The following USP28 variants were observed in gnomAD, a reference collection of about 807,000 sequenced individuals.
USP28 encodes ubiquitin carboxyl-terminal hydrolase 28.
In USP28, 113 loss-of-function variants were observed where a neutral mutation model predicts 145.0. The ratio of observed to expected loss-of-function variants is 0.78; its 90% CI spans 0.67 to 0.91. The LOEUF is 0.91. USP28 is among the 40% of genes least tolerant of loss of function. USP28 has a pLI of 0.00. For synonymous variants in USP28, 447 were observed against 450.9 expected, an observed-to-expected ratio of 0.99 and a Z score of 0.11; for missense variants, 1,201 against 1,289.6, an observed-to-expected ratio of 0.93 and a Z score of 1.05.
chr11:113,843,193 C>T, intron 3 of USP28, among the ~76,000 whole-genome samples: 1 of 151,500 alleles, frequency 6.6e-6, no homozygotes, highest in South Asian at 2.1e-4. Context: ...GATTGTGTCA[C>T]TATACTACAG....
chr11:113,833,428 C>T (rs749819434), exon 7 of USP28: 21 of 1,613,084 alleles, frequency 1.3e-5, no homozygotes, highest in Admixed American at 1.2e-4. Context: ...ACCTGCTGTT[C>T]CTCAGATGAT....
intron 17 of USP28, 50 bp downstream of exon 17, chr11:113,809,013 T>C: frequency 6.3e-6 from 10 of 1,576,470 alleles, no homozygotes; most frequent in Non-Finnish European, 8.7e-6. Flanking sequence ...GCTAGGGGAG[T>C]ACAGCATGAG....
chr11:113,872,665 A>G lies in USP28; in HGVS notation c.57+2780T>C, dbSNP rs551295366. On this transcript the variant is annotated intron_variant, in intron 1 of 24. Coordinates refer to ENST00000003302, the Ensembl canonical transcript of USP28. The stretch of plus-strand genomic sequence containing the variant: ...TTTTCACTGAAACTGGCAGGTTTTT[A>G]TAAGGCTTCAGCTGACATAAAGAAT... Among the ~76,000 whole-genome samples the G allele has an allele frequency of 5.3e-5, 8 of 152,332 alleles. No individual in the cohort carries two copies. The South Asian group carries it at 1.7e-3, about 32-fold the overall frequency.
intron 13 of USP28, 76 bp from the exon 14 acceptor site, chr11:113,815,458 C>A: frequency 7.3e-7 from 1 of 1,365,864 alleles, no homozygotes; most frequent in South Asian, 1.3e-5. Context: ...CTTTGGAAAG[C>A]AAGATGCTAT....
intron 7 of USP28, 49 bp from the exon 8 acceptor site, chr11:113,832,042 A>AT: frequency 6.8e-7 from 1 of 1,468,944 alleles, no homozygotes; most frequent in Non-Finnish European, 9.5e-7. Flanking sequence ...ATACTAAGAG[A>AT]AATTAAAATT....
chr11:113,841,929 G>A (rs1945247324), intron 3 of USP28, among the ~76,000 whole-genome samples, 161 bp from the exon 4 acceptor site: 1 of 152,030 alleles, frequency 6.6e-6, no homozygotes, highest in Non-Finnish European at 1.5e-5. Context: ...GAGTAACTTC[G>A]GCTACACTGT....
At chr11:113,862,192 C>T (rs755869036) in intron 1 of USP28, among the ~76,000 whole-genome samples, 12 of 151,972 alleles carry the variant, frequency 7.9e-5, no homozygotes, top group Admixed American at 7.9e-4. Flanking sequence ...ACTAAAAATA[C>T]AAAAATTAGC....
At chr11:113,857,319 A>T (rs960985337) in intron 1 of USP28, among the ~76,000 whole-genome samples, 2 of 152,204 alleles carry the variant, frequency 1.3e-5, no homozygotes, top group South Asian at 2.1e-4. Flanking sequence ...AAAGCACTTG[A>T]CTGTAGCTTT....
At position 113,808,292 on chromosome 11, in the gene USP28, T is replaced by C. The variant is rs369551837; in HGVS notation, c.2304+6A>G. The C allele has an allele frequency of 2.0e-5, 32 of 1,609,138 alleles. No homozygotes were observed. Among genetic ancestry groups the C allele is most frequent in the Non-Finnish European group, 2.7e-5 (32 of 1,179,268 alleles). ...TCCTGAACTTGGGCTTCCCAGTCAT[T>C]CTCACCTCACTCAGTGCCGCTTCTA... On this transcript the variant is annotated splice_donor_region_variant and intron_variant, in intron 18 of 24. Transcript: ENST00000003302.
intron 3 of USP28, among the ~76,000 whole-genome samples, chr11:113,841,977 G>A (rs1252924544): frequency 6.6e-6 from 1 of 152,124 alleles, no homozygotes; most frequent in African/African-American, 2.4e-5. Context: ...ATAACAAGCT[G>A]CAAAAATCAA....
At position 113,803,175 on chromosome 11, in the gene USP28, G is replaced by A. The variant is rs779622191; in HGVS notation, c.2845C>T (p.Arg949Ter). The stretch of plus-strand genomic sequence containing the variant: ...GTACAAACCAGAAGGCATTTTCTTC[G>A]GTATAAAGCAATCACGGATTCTTTG... Residue 949 changes from arginine (R) to a stop codon, truncating the protein, a stop_gained, in exon 23 of 25, where the codon CGA becomes TGA. Coordinates refer to ENST00000003302, the Ensembl canonical transcript of USP28. LOFTEE classifies it high-confidence loss of function. 17 of 1,613,570 alleles carry A rather than the reference G, an allele frequency of 1.1e-5. No homozygotes were observed. The highest frequency in any genetic ancestry group is 1.7e-5 in the Admixed American group (1 of 59,906).
At chr11:113,869,410 C>A (rs1948601479) in intron 1 of USP28, among the ~76,000 whole-genome samples, 2 of 152,190 alleles carry the variant, frequency 1.3e-5, no homozygotes, top group Admixed American at 1.3e-4. Flanking sequence ...TCCTGGGCAA[C>A]AGACTGCGGT....
chr11:113,859,772 T>C (rs1947453076), intron 1 of USP28, among the ~76,000 whole-genome samples: 1 of 152,226 alleles, frequency 6.6e-6, no homozygotes, highest in Admixed American at 6.5e-5. Flanking sequence ...AGACAAAGCC[T>C]GTACTCCTCT....
Sources: gnomAD v4.1 joint callset for allele counts (sites outside exome capture counted in the v4.1 genomes callset) on GRCh38, gnomAD v4.1.1 for gene constraint, MANE v1.5 for transcripts, NCBI Gene and HGNC (gene_info 2026-07-23, HGNC 2026-07-21) for gene names.